The following SEMA6D variants were observed in gnomAD, a reference collection of about 807,000 sequenced individuals.
SEMA6D encodes semaphorin-6D.
SEMA6D carries 35 observed loss-of-function variants against 106.6 expected under a neutral mutation model. The observed-to-expected ratio is 0.33, with a 90% CI of 0.25 to 0.44. The LOEUF (loss-of-function observed/expected upper bound fraction) is 0.44. SEMA6D is among the 20% of genes least tolerant of loss of function. SEMA6D has a pLI of 1.00. For synonymous variants in SEMA6D, 499 were observed against 487.7 expected, an observed-to-expected ratio of 1.02 and a Z score of -0.31; for missense variants, 1,185 against 1,345.9, an observed-to-expected ratio of 0.88 and a Z score of 1.87.
chr15:47,418,604 C>A (rs1197850602), intron 2 of SEMA6D, among the ~76,000 whole-genome samples: 1 of 152,076 alleles, frequency 6.6e-6, no homozygotes, highest in Non-Finnish European at 1.5e-5. Flanking sequence ...CACCCCACCT[C>A]TTGATACCAT....
chr15:47,583,772 G>T (rs967229095), intron 3 of SEMA6D, among the ~76,000 whole-genome samples: 5 of 152,168 alleles, frequency 3.3e-5, no homozygotes, highest in African/African-American at 1.2e-4. Flanking sequence ...TGGGAAAGGG[G>T]AAGCGTGACA....
intron 1 of SEMA6D, among the ~76,000 whole-genome samples, chr15:47,725,907 A>C (rs986289199): frequency 7.2e-5 from 11 of 152,366 alleles, no homozygotes; most frequent in African/African-American, 2.4e-4. Context: ...CTTAGAGACG[A>C]ATCTTAAGTC....
At chr15:47,582,031 G>C (rs1320252114) in intron 3 of SEMA6D, among the ~76,000 whole-genome samples, 1 of 152,206 alleles carries the variant, frequency 6.6e-6, no homozygotes, top group Non-Finnish European at 1.5e-5. Context: ...AAAGCATGAT[G>C]ATATTGGACA....
intron 1 of SEMA6D, among the ~76,000 whole-genome samples, chr15:47,344,039 C>T (rs2037940737): frequency 6.6e-6 from 1 of 152,182 alleles, no homozygotes. Flanking sequence ...GAGATACCAT[C>T]TCACACCAGT....
intron 2 of SEMA6D, among the ~76,000 whole-genome samples, chr15:47,431,400 C>G (rs536729265): frequency 6.6e-6 from 1 of 152,218 alleles, no homozygotes; most frequent in East Asian, 1.9e-4. Flanking sequence ...TCAAACATTA[C>G]CTGGAGACTA....
intron 1 of SEMA6D, among the ~76,000 whole-genome samples, chr15:47,222,350 T>A (rs992794069): frequency 1.9e-4 from 29 of 152,156 alleles, no homozygotes; most frequent in Admixed American, 6.5e-5. Context: ...TCTCAGACCT[T>A]CTTTGCCCCT....
At chr15:47,434,459 A>G (rs1305500711) in intron 2 of SEMA6D, among the ~76,000 whole-genome samples, 1 of 151,716 alleles carries the variant, frequency 6.6e-6, no homozygotes, top group Non-Finnish European at 1.5e-5. Flanking sequence ...TTCTTCTTCC[A>G]CCCTCCATTC....
chr15:47,578,391 A>C (rs1020093353), intron 3 of SEMA6D, among the ~76,000 whole-genome samples: 1 of 152,240 alleles, frequency 6.6e-6, no homozygotes, highest in African/African-American at 2.4e-5. Flanking sequence ...CTGTTCCTTC[A>C]GATTTTGTGT....
chr15:47,764,946 C>A lies in SEMA6D; in HGVS notation c.1317C>A (p.Ile439=). Residue 439 remains isoleucine, a synonymous_variant, in exon 13 of 19, where the codon ATC becomes ATA. Coordinates refer to ENST00000536845, the MANE Select transcript of SEMA6D (RefSeq NM_001358351.3). Reference sequence around the variant, plus strand: ...GACCCTACCAGAACTACACAGTCATCTTTGTTGGCTCTGAAGCTGGCATGG... The same window carrying A: ...GACCCTACCAGAACTACACAGTCATATTTGTTGGCTCTGAAGCTGGCATGG... ...SAGPYQNYTV[I]FVGSEAGMVL... is the part of the protein sequence containing the mutation. 1 of 1,613,976 alleles carries A rather than the reference C, an allele frequency of 6.2e-7. No individual in the cohort carries two copies. Among genetic ancestry groups the A allele is most frequent in the East Asian group, 2.2e-5 (1 of 44,838 alleles).
intron 1 of SEMA6D, among the ~76,000 whole-genome samples, chr15:47,185,484 G>A (rs901082502): frequency 6.6e-6 from 1 of 152,098 alleles, no homozygotes; most frequent in African/African-American, 2.4e-5. Flanking sequence ...CCTGGGTGGG[G>A]TTTATTTTTT....
At chr15:47,222,281 C>T (rs2031278558) in intron 1 of SEMA6D, among the ~76,000 whole-genome samples, 1 of 152,180 alleles carries the variant, frequency 6.6e-6, no homozygotes, top group South Asian at 2.1e-4. Context: ...AGTCATGGAG[C>T]TATCTGGTCA....
rs538851987 is a variant in SEMA6D at position 47,657,113 on chromosome 15, TAC to T, written c.-55+56219_-55+56220del. On this transcript the variant is annotated intron_variant, in intron 4 of 19. Transcript: ENST00000558014. ...GTGGATCAGAGCATTGAAGAAATTGTACAGTTTGATTCATTTTCCTTTAGTGA... is the reference window on the plus strand; with the variant it reads ...GTGGATCAGAGCATTGAAGAAATTGTAGTTTGATTCATTTTCCTTTAGTGA... Among the ~76,000 whole-genome samples, 28 of 152,324 alleles carry T rather than the reference TAC, an allele frequency of 1.8e-4. No individual in the cohort carries two copies. The South Asian group carries it at 5.8e-3, about 32-fold the overall frequency.
chr15:47,498,879 G>A (rs988997114), intron 3 of SEMA6D, among the ~76,000 whole-genome samples: 2 of 152,114 alleles, frequency 1.3e-5, no homozygotes, highest in Non-Finnish European at 2.9e-5. Context: ...GATATTCCAG[G>A]TAGATTTCTA....
chr15:47,528,922 A>G (rs2044852949), intron 3 of SEMA6D, among the ~76,000 whole-genome samples: 1 of 152,214 alleles, frequency 6.6e-6, no homozygotes, highest in African/African-American at 2.4e-5. Flanking sequence ...CTTATCTATA[A>G]CATAAATAGT....
At chr15:47,446,934 C>A (rs1170741748) in intron 2 of SEMA6D, among the ~76,000 whole-genome samples, 1 of 152,148 alleles carries the variant, frequency 6.6e-6, no homozygotes, top group African/African-American at 2.4e-5. Flanking sequence ...TAAAAACCTT[C>A]AGTGATTTCT....
intron 1 of SEMA6D, chr15:47,730,261 G>T (rs897488221): frequency 1.0e-5 from 16 of 1,541,060 alleles, no homozygotes; most frequent in Non-Finnish European, 1.3e-5. Context: ...CGTATCTGTC[G>T]TTGTAATTGG....
chr15:47,620,096 C>T (rs1411953522), intron 4 of SEMA6D, among the ~76,000 whole-genome samples: 1 of 152,170 alleles, frequency 6.6e-6, no homozygotes, highest in Non-Finnish European at 1.5e-5. Flanking sequence ...AGACATGGTT[C>T]TAGCAGGTCA....
intron 1 of SEMA6D, among the ~76,000 whole-genome samples, chr15:47,749,080 CTTTTTTTTTTT>C (rs71118197): frequency 1.9e-5 from 2 of 102,692 alleles, no homozygotes; most frequent in African/African-American, 8.1e-5. Context: ...CTTTTTTTTT[CTTTTTTTTTTT>C]TTTTTTGGAG....
chr15:47,304,433 T>TAAAAAAAAAAAAAAAAAAAAAAAAA (rs56185341), intron 1 of SEMA6D, among the ~76,000 whole-genome samples: 1 of 93,842 alleles, frequency 1.1e-5, no homozygotes, highest in African/African-American at 6.1e-5. Flanking sequence ...GCCTTCTAAC[T>TAAAAAAAAAAAAAAAAAAAAAAAAA]AAAAAAAAAA....
Sources: gnomAD v4.1 joint callset for allele counts (sites outside exome capture counted in the v4.1 genomes callset) on GRCh38, gnomAD v4.1.1 for gene constraint, MANE v1.5 for transcripts, NCBI Gene and HGNC (gene_info 2026-07-23, HGNC 2026-07-21) for gene names.